The following CFAP54 variants were observed in gnomAD, a reference collection of about 807,000 sequenced individuals.
CFAP54 encodes cilia- and flagella-associated protein 54.
CFAP54 carries 290 observed loss-of-function variants against 370.4 expected under a neutral mutation model. The ratio of observed to expected loss-of-function variants is 0.78; its 90% CI spans 0.71 to 0.86. The LOEUF is 0.86. Among genes scored for constraint, CFAP54 ranks in the 40% least tolerant of loss-of-function variants. CFAP54 has a pLI of 0.00. For synonymous variants in CFAP54, 1,206 were observed against 1,236.5 expected, an observed-to-expected ratio of 0.98 and a Z score of 0.52; for missense variants, 3,399 against 3,528.7, an observed-to-expected ratio of 0.96 and a Z score of 0.93.
intron 24 of CFAP54, among the ~76,000 whole-genome samples, chr12:96,593,141 T>A (rs1347592678): frequency 6.6e-6 from 1 of 152,202 alleles, no homozygotes; most frequent in Non-Finnish European, 1.5e-5. Context: ...TATAATATTG[T>A]CTTCATGGAG....
intron 66 of CFAP54, among the ~76,000 whole-genome samples, chr12:96,859,524 G>C (rs1012819665): frequency 6.6e-6 from 1 of 152,042 alleles, no homozygotes; most frequent in African/African-American, 2.4e-5. Flanking sequence ...TCCTGCCTCA[G>C]CCTTTCGAGT....
intron 39 of CFAP54, among the ~76,000 whole-genome samples, chr12:96,669,202 GT>G (rs1391693547): frequency 2.0e-5 from 3 of 152,222 alleles, no homozygotes; most frequent in Non-Finnish European, 2.9e-5. Flanking sequence ...GGTTAGAAAG[GT>G]TGGCAGAAAT....
intron 32 of CFAP54, among the ~76,000 whole-genome samples, chr12:96,634,766 T>C (rs1440488904): frequency 1.3e-5 from 2 of 152,234 alleles, no homozygotes; most frequent in African/African-American, 4.8e-5. Context: ...GCATAAGATG[T>C]GAGGTTTAGA....
intron 4 of CFAP54, among the ~76,000 whole-genome samples, chr12:96,511,022 T>A (rs963090704): frequency 1.3e-5 from 2 of 150,748 alleles, no homozygotes; most frequent in East Asian, 3.9e-4. Flanking sequence ...CAAAGCCTCG[T>A]TGAGATAAGT....
intron 63 of CFAP54, among the ~76,000 whole-genome samples, chr12:96,807,241 A>G (rs1430516789): frequency 6.6e-6 from 1 of 152,224 alleles, no homozygotes; most frequent in Admixed American, 6.5e-5. Context: ...CAATGCTGCA[A>G]CTCATTAGTG....
chr12:96,607,794 C>CTTT (rs534880310), intron 26 of CFAP54, among the ~76,000 whole-genome samples: 1 of 143,120 alleles, frequency 7.0e-6, no homozygotes, highest in Non-Finnish European at 1.5e-5. Flanking sequence ...TAGCTTCAGA[C>CTTT]TTTTTTTTTT....
intron 14 of CFAP54, among the ~76,000 whole-genome samples, chr12:96,541,624 C>T: frequency 6.6e-6 from 1 of 152,050 alleles, no homozygotes; most frequent in East Asian, 1.9e-4. Context: ...TTTTCCTCCC[C>T]TTCCATTTCC....
Position 96,645,318 on chromosome 12 carries a change from G to T in CFAP54, c.4547+910G>T, listed in dbSNP as rs948426417. On this transcript the variant is annotated intron_variant, in intron 33 of 67. Coordinates refer to ENST00000524981, the MANE Select transcript of CFAP54 (RefSeq NM_001306084.2). ...TATACACCAATAACAGACAAACAAA[G>T]AGCCAAATCATGAGTGAACTCCCAT... 4.8e-5 allele frequency: 16 copies of T among 335,054 alleles called. No homozygotes were observed. In the Admixed American group the frequency reaches 5.3e-4, roughly 11 times the overall value. The allele number at this position is 335,054 out of a possible 1,614,324, so 20.8% of individuals were successfully genotyped here. A position where few individuals can be genotyped will look rare whatever the true frequency, so the allele number is the denominator to read the frequency against.
At chr12:96,707,933 A>AAATAT (rs1957563437) in intron 47 of CFAP54, among the ~76,000 whole-genome samples, 1 of 152,042 alleles carries the variant, frequency 6.6e-6, no homozygotes, top group Admixed American at 6.6e-5. Context: ...GAGAGGGTGA[A>AAATAT]TGGACTGGCA....
chr12:96,581,196 C>T lies in CFAP54; in HGVS notation c.3075+91C>T, dbSNP rs1956029423. 3.2e-6 allele frequency: 3 copies of T among 924,682 alleles called. No homozygotes were observed. The African/African-American group carries it at 5.2e-5, about 16-fold the overall frequency. 57.3% of individuals were successfully genotyped at this position (924,682 alleles called of 1,614,324 possible). Reference sequence around the variant, plus strand: ...TTTCTGATGGAAATAAAAATCACAGCAGATATTCTAAAGCTCCTATAACAC... The same window carrying T: ...TTTCTGATGGAAATAAAAATCACAGTAGATATTCTAAAGCTCCTATAACAC... On this transcript the variant is annotated intron_variant, in intron 22 of 67. Coordinates refer to ENST00000524981, the MANE Select transcript of CFAP54 (RefSeq NM_001306084.2).
chr12:96,624,777 G>A (rs1956533557), intron 28 of CFAP54, among the ~76,000 whole-genome samples: 1 of 152,082 alleles, frequency 6.6e-6, no homozygotes, highest in South Asian at 2.1e-4. Flanking sequence ...TATCTTGTGG[G>A]CTTCACTGAC....
At chr12:96,500,623 A>G (rs935371808) in intron 1 of CFAP54, among the ~76,000 whole-genome samples, 1 of 152,010 alleles carries the variant, frequency 6.6e-6, no homozygotes, top group Non-Finnish European at 1.5e-5. Flanking sequence ...TAAAGTATCT[A>G]AAAAAAATAT....
intron 62 of CFAP54, among the ~76,000 whole-genome samples, chr12:96,789,777 C>T (rs1958668249): frequency 6.6e-6 from 1 of 152,158 alleles, no homozygotes. Context: ...TAGTGTAACA[C>T]TCCCCAGGAA....
chr12:96,678,332 C>A (rs1209219238), intron 39 of CFAP54, among the ~76,000 whole-genome samples: 1 of 152,122 alleles, frequency 6.6e-6, no homozygotes, highest in Non-Finnish European at 1.5e-5. Flanking sequence ...TTCACTGCAA[C>A]CTCCACCTCC....
intron 26 of CFAP54, among the ~76,000 whole-genome samples, chr12:96,605,268 A>G (rs1352468697): frequency 6.6e-6 from 1 of 152,218 alleles, no homozygotes; most frequent in African/African-American, 2.4e-5. Context: ...GGCAGACTTT[A>G]AGTATCTTAA....
intron 50 of CFAP54, among the ~76,000 whole-genome samples, chr12:96,731,380 T>C (rs11108659): frequency 0.017 from 2,585 of 152,314 alleles, 38 homozygotes; most frequent in African/African-American, 0.036. Context: ...GAAGAATGTG[T>C]GTGATTGAAT....
chr12:96,632,964 C>CAAA (rs1171770936), intron 32 of CFAP54, among the ~76,000 whole-genome samples: 7 of 152,014 alleles, frequency 4.6e-5, no homozygotes, highest in African/African-American at 1.2e-4. Context: ...TTAGATACAT[C>CAAA]AAGGAACTGT....
intron 17 of CFAP54, among the ~76,000 whole-genome samples, chr12:96,559,820 C>G (rs1019792054): frequency 1.3e-5 from 2 of 152,028 alleles, no homozygotes; most frequent in African/African-American, 4.8e-5. Flanking sequence ...AAAGGTAACA[C>G]TGATATAATA....
chr12:96,840,263 C>T (rs1225097791), intron 66 of CFAP54, among the ~76,000 whole-genome samples: 1 of 152,222 alleles, frequency 6.6e-6, no homozygotes, highest in African/African-American at 2.4e-5. Context: ...GGTGGATTCT[C>T]AAAGCAACCT....
Sources: gnomAD v4.1 joint callset for allele counts (sites outside exome capture counted in the v4.1 genomes callset) on GRCh38, gnomAD v4.1.1 for gene constraint, MANE v1.5 for transcripts, NCBI Gene and HGNC (gene_info 2026-07-23, HGNC 2026-07-21) for gene names.